Variants in ELMO1 observed in about 807,000 individuals in gnomAD.
ELMO1 encodes engulfment and cell motility 1, also known as engulfment and cell motility protein 1.
Under a neutral mutation model 98.9 loss-of-function variants are expected in ELMO1, and 26 were observed. The ratio of observed to expected loss-of-function variants is 0.26; its 90% CI spans 0.19 to 0.36. The LOEUF (loss-of-function observed/expected upper bound fraction) is 0.36, where lower values mean the gene tolerates loss of function less well. Ranked by LOEUF, ELMO1 falls within the 10% of genes least tolerant of loss-of-function variation. The pLI is 1.00. For missense variants in ELMO1, 627 were observed against 935.2 expected (o/e 0.67, Z 4.30); for synonymous variants, 346 against 346.0 (o/e 1.00, Z 0.00).
At chr7:37,193,980 C>T (rs1367129927) in intron 13 of ELMO1, among the ~76,000 whole-genome samples, 1 of 152,200 alleles carries the variant, frequency 6.6e-6, no homozygotes, top group Non-Finnish European at 1.5e-5. Context: ...CTCACTGGCA[C>T]TTCTCATCCA....
At chr7:37,006,882 C>T (rs1162820334) in intron 16 of ELMO1, among the ~76,000 whole-genome samples, 1 of 152,078 alleles carries the variant, frequency 6.6e-6, no homozygotes, top group African/African-American at 2.4e-5. Context: ...GATAAGTTAC[C>T]AAAGTCACTT....
chr7:37,432,425 G>A (rs1804970259), intron 1 of ELMO1, among the ~76,000 whole-genome samples: 1 of 152,196 alleles, frequency 6.6e-6, no homozygotes, highest in African/African-American at 2.4e-5. Flanking sequence ...CATTTCCAGA[G>A]TGAACTGAGA....
chr7:36,978,859 A>T (rs1174289004), intron 16 of ELMO1, among the ~76,000 whole-genome samples: 1 of 152,182 alleles, frequency 6.6e-6, no homozygotes, highest in Non-Finnish European at 1.5e-5. Flanking sequence ...TTGTTAGGAG[A>T]TATTAGATTT....
intron 4 of ELMO1, among the ~76,000 whole-genome samples, chr7:37,288,229 C>CTT (rs199907645): frequency 6.1e-4 from 89 of 146,002 alleles, no homozygotes; most frequent in Middle Eastern, 3.5e-3. Context: ...CAAAGTGTCA[C>CTT]TTTTTTTTTT....
intron 1 of ELMO1, among the ~76,000 whole-genome samples, chr7:37,425,049 T>C (rs1335660752): frequency 6.6e-6 from 1 of 152,082 alleles, no homozygotes; most frequent in Non-Finnish European, 1.5e-5. Context: ...ACCCAGGAAA[T>C]GCTAGGGTTT....
chr7:37,214,067 C>A (rs1358699773), intron 11 of ELMO1, among the ~76,000 whole-genome samples: 4 of 152,054 alleles, frequency 2.6e-5, no homozygotes, highest in Admixed American at 2.6e-4. Flanking sequence ...ATGACTTTTC[C>A]CCATAGAAAC....
chr7:37,406,302 C>T (rs962514215), intron 1 of ELMO1, among the ~76,000 whole-genome samples: 2 of 151,522 alleles, frequency 1.3e-5, no homozygotes, highest in Admixed American at 6.6e-5. Context: ...ATATTCCACC[C>T]TCATGGCAAA....
Position 37,179,122 on chromosome 7 carries a change from C to G in ELMO1, c.1086+32264G>C, listed in dbSNP as rs538196770. Among the ~76,000 whole-genome samples, 6 of 152,134 alleles carry G rather than the reference C, an allele frequency of 3.9e-5. No individual in the cohort carries two copies. In the South Asian group the frequency reaches 1.2e-3, roughly 32 times the overall value. ...AGGGTAACACTCTGTACTATGGCTG[C>G]GACAGTTCAGTCAACCCCAAATTAT... On this transcript the variant is annotated intron_variant, in intron 13 of 21. Coordinates refer to ENST00000310758, the MANE Select transcript of ELMO1 (RefSeq NM_014800.11).
chr7:36,864,660 G>C (rs1802890342), intron 20 of ELMO1, among the ~76,000 whole-genome samples: 1 of 152,222 alleles, frequency 6.6e-6, no homozygotes, highest in Admixed American at 6.5e-5. Context: ...CACTGTCCAT[G>C]AGGGAGAAGG....
intron 21 of ELMO1, among the ~76,000 whole-genome samples, chr7:36,858,648 G>C (rs1802385131): frequency 6.6e-6 from 1 of 150,680 alleles, no homozygotes; most frequent in Non-Finnish European, 1.5e-5. Context: ...TTAAAAGTGA[G>C]AGAAGGAAAC....
intron 1 of ELMO1, among the ~76,000 whole-genome samples, chr7:37,441,800 T>C (rs1333720711): frequency 6.6e-6 from 1 of 152,044 alleles, no homozygotes; most frequent in Non-Finnish European, 1.5e-5. Flanking sequence ...TGAAAAACAT[T>C]TGGATTAGAG....
intron 5 of ELMO1, among the ~76,000 whole-genome samples, chr7:37,267,011 T>TTA (rs1796276822): frequency 2.9e-5 from 2 of 67,802 alleles, no homozygotes; most frequent in Non-Finnish European, 6.0e-5. Flanking sequence ...AGACTCCATC[T>TTA]AAAAAAAAAA....
At chr7:37,133,338 G>T (rs1170948976) in intron 13 of ELMO1, 104 bp from the exon 14 acceptor site, 4 of 772,766 alleles carry the variant, frequency 5.2e-6, no homozygotes, top group Non-Finnish European at 6.1e-6. Flanking sequence ...ACAAGGTAAG[G>T]TCCAAATAAT....
rs372611562 is a variant in ELMO1, at chr7:37,220,404, T to C, written c.780+2211A>G. 1.3e-4 allele frequency among the ~76,000 whole-genome samples: 20 copies of C among 152,336 alleles called. 1 individual carries two copies. The East Asian group carries it at 1.9e-3, about 15-fold the overall frequency. On this transcript the variant is annotated intron_variant, in intron 10 of 21. Coordinates refer to ENST00000310758, the MANE Select transcript of ELMO1 (RefSeq NM_014800.11). ...CTGCTGAATTATATACAGTCTTTCT[T>C]AGTTGGAATCTTTTCTTAAATGGTT... is the stretch of plus-strand genomic sequence containing the variant.
chr7:36,926,416 T>C (rs1785577125), intron 16 of ELMO1, among the ~76,000 whole-genome samples: 1 of 152,230 alleles, frequency 6.6e-6, no homozygotes, highest in South Asian at 2.1e-4. Context: ...GTGGGCATTT[T>C]TTTCTTTGTT....
intron 16 of ELMO1, among the ~76,000 whole-genome samples, chr7:37,012,556 TTATC>T (rs1235002085): frequency 1.3e-5 from 2 of 152,340 alleles, no homozygotes; most frequent in South Asian, 2.1e-4. Context: ...AATCAGGCCT[TTATC>T]TAAGGACAAA....
intron 15 of ELMO1, among the ~76,000 whole-genome samples, chr7:37,091,443 T>C (rs1198899047): frequency 6.6e-6 from 1 of 152,118 alleles, no homozygotes; most frequent in Non-Finnish European, 1.5e-5. Flanking sequence ...AGTGCTTTAA[T>C]AACAACAATA....
chr7:36,964,995 T>A (rs905268585), intron 16 of ELMO1, among the ~76,000 whole-genome samples: 1 of 152,108 alleles, frequency 6.6e-6, no homozygotes, highest in Non-Finnish European at 1.5e-5. Context: ...GCATCCCCCA[T>A]CCAGGATGGG....
At chr7:36,971,910 TTAAACCTCTCTAACATTTGTAAGG>T (rs1789992747) in intron 16 of ELMO1, among the ~76,000 whole-genome samples, 1 of 152,292 alleles carries the variant, frequency 6.6e-6, no homozygotes, top group South Asian at 2.1e-4. Context: ...GAGATTTTTT[TTAAACCTCTCTAACATTTGTAAGG>T]TAATTTCACA....
Sources: gnomAD v4.1 joint callset for allele counts (sites outside exome capture counted in the v4.1 genomes callset) on GRCh38, gnomAD v4.1.1 for gene constraint, MANE v1.5 for transcripts, NCBI Gene and HGNC (gene_info 2026-07-23, HGNC 2026-07-21) for gene names.